Variants in ZMYND8 observed in about 807,000 individuals in gnomAD.
The protein encoded by ZMYND8 is MYND-type zinc finger-containing chromatin reader ZMYND8.
ZMYND8 carries 37 observed loss-of-function variants against 140.8 expected under a neutral mutation model. The observed-to-expected ratio is 0.26, with a 90% CI of 0.20 to 0.35. The LOEUF is 0.35. ZMYND8 is among the 10% of genes least tolerant of loss of function. The probability of loss-of-function intolerance (pLI) is 1.00; values close to 1 mark genes in which losing one functional copy is unlikely to be tolerated. For synonymous variants in ZMYND8, 592 were observed against 597.1 expected, an observed-to-expected ratio of 0.99 and a Z score of 0.12; for missense variants, 1,068 against 1,570.0, an observed-to-expected ratio of 0.68 and a Z score of 5.40.
chr20:47,294,546 T>G, intron 5 of ZMYND8, 120 bp downstream of exon 5: 1 of 827,742 alleles, frequency 1.2e-6, no homozygotes, highest in Non-Finnish European at 2.0e-6. Context: ...ATACTTGAAT[T>G]TGGGGATGCA....
chr20:47,261,256 G>A (rs916721976), intron 12 of ZMYND8, among the ~76,000 whole-genome samples: 5 of 151,974 alleles, frequency 3.3e-5, no homozygotes, highest in Admixed American at 1.3e-4. Context: ...TCAATAATGG[G>A]CCAGGTGCAG....
intron 2 of ZMYND8, among the ~76,000 whole-genome samples, chr20:47,325,336 T>C (rs531317767): frequency 1.3e-5 from 2 of 152,180 alleles, no homozygotes; most frequent in Non-Finnish European, 2.9e-5. Context: ...GCCAGGTACA[T>C]GGCCTGGCTC....
intron 2 of ZMYND8, among the ~76,000 whole-genome samples, chr20:47,335,912 T>A (rs777093103): frequency 1.2e-4 from 18 of 152,214 alleles, no homozygotes; most frequent in Non-Finnish European, 2.5e-4. Context: ...AACAATCTGG[T>A]AGTCATCTAA....
At position 47,238,994 on chromosome 20, in the gene ZMYND8, G is replaced by A. The variant is rs754633888; in HGVS notation, c.2429C>T (p.Pro810Leu). 68 of 1,608,902 alleles carry A rather than the reference G, an allele frequency of 4.2e-5. No individual in the cohort carries two copies. Among genetic ancestry groups the A allele is most frequent in the Non-Finnish European group, 5.3e-5 (62 of 1,176,034 alleles). Residue 810 changes from proline to leucine, a missense_variant, in exon 15 of 23, where the codon CCG (proline) becomes CTG (leucine). Pro to Leu is a moderately conservative substitution (Grantham distance 98). This residue lies in a region of ZMYND8 where 383 missense variants were observed against 431.2 expected (regional missense o/e 0.89). Coordinates refer to ENST00000471951, the MANE Select transcript of ZMYND8 (RefSeq NM_001281775.3). Reference protein sequence around the residue: ...STSSTVTVTAPAPAATGSPVK... With the variant: ...STSSTVTVTALAPAATGSPVK... ...TGGGCTTCCTGTGGCGGCGGGGGCC[G>A]GGGCCGTGACGGTGACCGTGGAGGA...
chr20:47,263,029 A>G (rs2075268484), intron 11 of ZMYND8, among the ~76,000 whole-genome samples: 1 of 152,208 alleles, frequency 6.6e-6, no homozygotes, highest in Non-Finnish European at 1.5e-5. Context: ...AGGAGGAGAG[A>G]GAACTGTACC....
At chr20:47,232,544 T>C (rs1168653301) in intron 16 of ZMYND8, among the ~76,000 whole-genome samples, 1 of 151,952 alleles carries the variant, frequency 6.6e-6, no homozygotes, top group Non-Finnish European at 1.5e-5. Context: ...AAATTTCTTT[T>C]AGTAATTTTT....
At chr20:47,227,027 C>A (rs1347727707) in intron 18 of ZMYND8, among the ~76,000 whole-genome samples, 176 bp downstream of exon 18, 1 of 152,172 alleles carries the variant, frequency 6.6e-6, no homozygotes, top group Non-Finnish European at 1.5e-5. Context: ...CCCGCCAACA[C>A]CCACTCTTAC....
intron 17 of ZMYND8, among the ~76,000 whole-genome samples, chr20:47,229,140 T>C (rs2038125837): frequency 1.3e-5 from 2 of 150,644 alleles, no homozygotes; most frequent in Admixed American, 1.3e-4. Context: ...CACCACCATC[T>C]CCTGCTTGTT....
At chr20:47,325,701 T>C (rs1316558583) in intron 2 of ZMYND8, among the ~76,000 whole-genome samples, 1 of 152,186 alleles carries the variant, frequency 6.6e-6, no homozygotes, top group East Asian at 1.9e-4. Flanking sequence ...CTAAATGCAA[T>C]TACTGAAAAA....
At position 47,251,364 on chromosome 20, in the gene ZMYND8, T is replaced by C. The variant is rs190079734; in HGVS notation, c.1622-1925A>G. On this transcript the variant is annotated intron_variant, in intron 12 of 22. Coordinates refer to ENST00000471951, the MANE Select transcript of ZMYND8 (RefSeq NM_001281775.3). ...ACTTTCGGAGGCAGAGGCAGGAGGA[T>C]TGCTTGAGGCCAGGAGTTCGAGACC... Among the ~76,000 whole-genome samples, 32 of 152,046 alleles carry C rather than the reference T, an allele frequency of 2.1e-4. No homozygotes were observed. The East Asian group carries it at 3.7e-3, about 17-fold the overall frequency.
intron 2 of ZMYND8, among the ~76,000 whole-genome samples, chr20:47,343,415 C>A (rs2082071218): frequency 6.6e-6 from 1 of 152,162 alleles, no homozygotes; most frequent in South Asian, 2.1e-4. Flanking sequence ...TGGATTACAA[C>A]CCACAGTATA....
intron 21 of ZMYND8, among the ~76,000 whole-genome samples, chr20:47,217,733 G>C (rs552395695): frequency 6.6e-6 from 1 of 152,286 alleles, no homozygotes; most frequent in East Asian, 1.9e-4. Flanking sequence ...TGCTCTTACA[G>C]ACATTGGGGA....
chr20:47,224,282 A>G, intron 19 of ZMYND8, 35 bp downstream of exon 19: 1 of 1,611,038 alleles, frequency 6.2e-7, no homozygotes, highest in South Asian at 1.1e-5. Context: ...AAGCCACTGC[A>G]GCCCAGGACG....
At chr20:47,316,929 C>G (rs1309945357) in intron 2 of ZMYND8, among the ~76,000 whole-genome samples, 5 of 152,188 alleles carry the variant, frequency 3.3e-5, no homozygotes, top group Non-Finnish European at 4.4e-5. Flanking sequence ...AGGAGCAGTG[C>G]TGGGATTTGA....
At chr20:47,243,313 C>A (rs1010616779) in intron 14 of ZMYND8, among the ~76,000 whole-genome samples, 3 of 152,184 alleles carry the variant, frequency 2.0e-5, no homozygotes, top group African/African-American at 7.2e-5. Flanking sequence ...AGACCCAAAC[C>A]ACCATCAGCT....
At chr20:47,252,993 C>A (rs2074309954) in intron 12 of ZMYND8, among the ~76,000 whole-genome samples, 1 of 152,228 alleles carries the variant, frequency 6.6e-6, no homozygotes, top group Non-Finnish European at 1.5e-5. Context: ...GCAAAAGCAG[C>A]CATGAACACT....
At chr20:47,270,149 G>C (rs1337222381) in intron 11 of ZMYND8, among the ~76,000 whole-genome samples, 1 of 151,330 alleles carries the variant, frequency 6.6e-6, no homozygotes, top group Non-Finnish European at 1.5e-5. Context: ...AGGCAGCGGG[G>C]ACTGCTTGAG....
At chr20:47,286,481 GTATC>G (rs1023549230) in intron 8 of ZMYND8, among the ~76,000 whole-genome samples, 90 of 151,774 alleles carry the variant, frequency 5.9e-4, no homozygotes, top group African/African-American at 2.1e-3. Context: ...ACCTGGCCAG[GTATC>G]TATCTATCTA....
chr20:47,285,384 A>G (rs1403811416), intron 8 of ZMYND8, among the ~76,000 whole-genome samples: 3 of 152,268 alleles, frequency 2.0e-5, no homozygotes, highest in Non-Finnish European at 4.4e-5. Context: ...TGGATGGCAG[A>G]GTGCACCTCC....
Sources: gnomAD v4.1 joint callset for allele counts (sites outside exome capture counted in the v4.1 genomes callset) on GRCh38, gnomAD v4.1.1 for gene constraint, gnomAD v4.1.1 regional missense constraint, MANE v1.5 for transcripts, NCBI Gene and HGNC (gene_info 2026-07-23, HGNC 2026-07-21) for gene names.